Variants in UCK2 observed in about 807,000 individuals in gnomAD.
UCK2 encodes uridine-cytidine kinase 2, also known as cytidine monophosphokinase 2.
In UCK2, 6 loss-of-function variants were observed where a neutral mutation model predicts 30.8. The ratio of observed to expected loss-of-function variants is 0.19; its 90% CI spans 0.11 to 0.38. The LOEUF (loss-of-function observed/expected upper bound fraction) is 0.38, where lower values mean the gene tolerates loss of function less well. Ranked by LOEUF, UCK2 falls within the 10% of genes least tolerant of loss-of-function variation. UCK2 has a pLI of 1.00. For synonymous variants in UCK2, 125 were observed against 133.6 expected, an observed-to-expected ratio of 0.94 and a Z score of 0.45; for missense variants, 210 against 339.8, an observed-to-expected ratio of 0.62 and a Z score of 3.00.
At position 165,907,961 on chromosome 1, in the gene UCK2, T is replaced by C; in HGVS notation, c.*138T>C. 1 of 1,288,222 alleles carries C rather than the reference T, an allele frequency of 7.8e-7. No individual in the cohort carries two copies. The highest frequency in any genetic ancestry group is 1.0e-6 in the Non-Finnish European group (1 of 967,970). 79.8% of individuals were successfully genotyped at this position (1,288,222 alleles called of 1,614,324 possible). On this transcript the variant is annotated 3_prime_UTR_variant, in exon 7 of 7. Coordinates refer to ENST00000367879, the MANE Select transcript of UCK2 (RefSeq NM_012474.5). ...CATGGAGATGAAATGCCTTTGATTT[T>C]TTTTTTCTTTTTGTACTTTGGAACG...
chr1:165,835,160 G>T lies in UCK2; in HGVS notation c.99+7228G>T, dbSNP rs114017733. 3.5e-3 allele frequency among the ~76,000 whole-genome samples: 528 copies of T among 152,100 alleles called. 7 individuals are homozygous for T. The highest frequency in any genetic ancestry group is 0.012 in the African/African-American group (497 of 41,520). ...GAGATGAGCACTGTCTTTGCCCTTC[G>T]CAGGCTTCTAGTCTCCTAGGCTGTC... On this transcript the variant is annotated intron_variant, in intron 1 of 6. Transcript: ENST00000367879.
intron 1 of UCK2, among the ~76,000 whole-genome samples, chr1:165,875,156 A>G (rs1013993805): frequency 2.6e-5 from 4 of 152,084 alleles, no homozygotes; most frequent in Admixed American, 6.6e-5. Context: ...TGTGCTAGCC[A>G]CTATCTTAGG....
At chr1:165,874,615 G>T (rs369005920) in intron 1 of UCK2, among the ~76,000 whole-genome samples, 1 of 152,018 alleles carries the variant, frequency 6.6e-6, no homozygotes, top group East Asian at 1.9e-4. Flanking sequence ...TCTTAGCCTG[G>T]AACTCCAAAC....
At chr1:165,893,947 C>T (rs375974725) in intron 3 of UCK2, among the ~76,000 whole-genome samples, 3 of 152,140 alleles carry the variant, frequency 2.0e-5, no homozygotes, top group African/African-American at 7.2e-5. Context: ...AGTGTCAGTA[C>T]AGATTGAACA....
Position 165,905,931 on chromosome 1 carries a change from A to G in UCK2, c.608A>G (p.Tyr203Cys). 6.2e-7 allele frequency: 1 copy of G among 1,614,042 alleles called. No individual in the cohort carries two copies. The highest frequency in any genetic ancestry group is 8.5e-7 in the Non-Finnish European group (1 of 1,179,888). Residue 203 changes from tyrosine to cysteine, a missense_variant, in exon 6 of 7, where the codon TAT (tyrosine) becomes TGT (cysteine). This residue lies in a region of UCK2 where 47 missense variants were observed against 128.7 expected (regional missense o/e 0.37). Coordinates refer to ENST00000367879, the MANE Select transcript of UCK2 (RefSeq NM_012474.5). ...TGTCTTTCTCCACAGACAAAGAAGT[A>G]TGCTGATGTGATCATCCCTAGAGGT... ...FEEFCLPTKK[Y>C]ADVIIPRGAD...
chr1:165,885,334 A>T (rs893115887), intron 1 of UCK2: 2 of 398,452 alleles, frequency 5.0e-6, no homozygotes, highest in Non-Finnish European at 8.8e-6. Context: ...ACAAAGTAAT[A>T]CTTGTTGTAA....
rs1384783962 is a variant in UCK2 at position 165,908,009 on chromosome 1, C to T, written c.*186C>T. 1 of 829,752 alleles carries T rather than the reference C, an allele frequency of 1.2e-6. No individual in the cohort carries two copies. Among genetic ancestry groups the T allele is most frequent in the Non-Finnish European group, 1.8e-6 (1 of 571,060 alleles). The allele number at this position is 829,752 out of a possible 1,614,324, so 51.4% of individuals were successfully genotyped here. Reference sequence around the variant, plus strand: ...ACGACAAAATGAAACAGAACTTGACCCTGAGCTTAAATAACAAAACTGTGC... The same window carrying T: ...ACGACAAAATGAAACAGAACTTGACTCTGAGCTTAAATAACAAAACTGTGC... On this transcript the variant is annotated 3_prime_UTR_variant, in exon 7 of 7. Transcript: ENST00000367879.
At position 165,908,930 on chromosome 1, in the gene UCK2, G is replaced by A. The variant is rs1647764001; in HGVS notation, c.*1107G>A. The A allele has an allele frequency of 6.6e-6, 1 of 152,302 alleles. No homozygotes were observed. The highest frequency in any genetic ancestry group is 1.5e-5 in the Non-Finnish European group (1 of 68,056). 9.4% of individuals were successfully genotyped at this position (152,302 alleles called of 1,614,324 possible). Reference sequence around the variant, plus strand: ...TTTCCGCTTCCTGGAGGTTTGCAGTGAGGTGAGGAGAGTAACTTTGGTCAG... The same window carrying A: ...TTTCCGCTTCCTGGAGGTTTGCAGTAAGGTGAGGAGAGTAACTTTGGTCAG... On this transcript the variant is annotated 3_prime_UTR_variant, in exon 7 of 7. Transcript: ENST00000367879.
At chr1:165,896,415 C>T (rs1258696070) in intron 4 of UCK2, 83 bp downstream of exon 4, 13 of 1,529,856 alleles carry the variant, frequency 8.5e-6, no homozygotes, top group South Asian at 5.9e-5. Flanking sequence ...GGACCCCACC[C>T]GCCTGAGTCT....
intron 2 of UCK2, 148 bp downstream of exon 2, chr1:165,890,511 G>A: frequency 1.3e-6 from 1 of 784,832 alleles, no homozygotes; most frequent in South Asian, 1.8e-5. Context: ...CAGTGTTATT[G>A]TGGGGCTTAT....
chr1:165,891,374 C>T (rs764054873), intron 3 of UCK2, 52 bp downstream of exon 3: 153 of 1,520,132 alleles, frequency 1.0e-4, no homozygotes, highest in Middle Eastern at 3.4e-4. Context: ...CGCAGAGCAT[C>T]CCTGGTCTGC....
chr1:165,828,715 T>C (rs1405715203), intron 1 of UCK2, among the ~76,000 whole-genome samples: 1 of 152,194 alleles, frequency 6.6e-6, no homozygotes. Context: ...GGAGCCTGTT[T>C]CCTTTGTTTT....
intron 1 of UCK2, among the ~76,000 whole-genome samples, chr1:165,860,320 A>G (rs1018275544): frequency 6.6e-6 from 1 of 152,152 alleles, no homozygotes; most frequent in Non-Finnish European, 1.5e-5. Flanking sequence ...TTCCTGTTGA[A>G]GCCTTCCTTG....
At chr1:165,836,943 T>C (rs1654208772) in intron 1 of UCK2, among the ~76,000 whole-genome samples, 1 of 152,162 alleles carries the variant, frequency 6.6e-6, no homozygotes, top group African/African-American at 2.4e-5. Flanking sequence ...CATCCCGTCC[T>C]GGAAGGCAGA....
intron 5 of UCK2, 112 bp downstream of exon 5, chr1:165,903,391 C>CT (rs1348854899): frequency 3.5e-6 from 3 of 852,134 alleles, no homozygotes; most frequent in Admixed American, 2.2e-5. Flanking sequence ...ACTCCTCTCT[C>CT]TGAGTGATCC....
chr1:165,873,169 A>G (rs1323510898), intron 1 of UCK2, among the ~76,000 whole-genome samples: 1 of 152,262 alleles, frequency 6.6e-6, no homozygotes, highest in Non-Finnish European at 1.5e-5. Context: ...TTAGGTTGCC[A>G]CAATTTAATA....
At chr1:165,906,700 G>T (rs749126098) in intron 6 of UCK2, among the ~76,000 whole-genome samples, 6 of 152,208 alleles carry the variant, frequency 3.9e-5, no homozygotes, top group Non-Finnish European at 7.3e-5. Context: ...GGCCTGTCTA[G>T]GAAGTATGAA....
In UCK2 at chr1:165,858,145, T is replaced by C. The variant is rs75372285; in HGVS notation, c.99+30213T>C. Among the ~76,000 whole-genome samples the C allele has an allele frequency of 3.1e-3, 473 of 152,330 alleles. 3 individuals carry two copies. The highest frequency in any genetic ancestry group is 0.011 in the African/African-American group (456 of 41,564). ...TGTTTGAAGACCCCACTAGCATGTG[T>C]TGAGTTTACAGCCACTGTGCAAGAT... On this transcript the variant is annotated intron_variant, in intron 1 of 6. Coordinates refer to ENST00000367879, the MANE Select transcript of UCK2 (RefSeq NM_012474.5).
intron 1 of UCK2, among the ~76,000 whole-genome samples, chr1:165,880,148 G>C (rs778816353): frequency 3.3e-5 from 5 of 152,226 alleles, no homozygotes; most frequent in African/African-American, 7.2e-5. Context: ...AGATTCGGCA[G>C]AGGATCCAAC....
Sources: allele counts gnomAD v4.1 joint callset (sites outside exome capture counted in the v4.1 genomes callset), GRCh38; gene constraint gnomAD v4.1.1; regional missense constraint gnomAD v4.1.1; transcripts MANE v1.5; gene names NCBI Gene and HGNC (gene_info 2026-07-23, HGNC 2026-07-21).